TCF12: variants seen among roughly 807,000 people sequenced by gnomAD.
The protein encoded by TCF12 is transcription factor 12.
In TCF12, 45 loss-of-function variants were observed where a neutral mutation model predicts 86.0. That is an observed-to-expected ratio of 0.52 (90% CI 0.41 to 0.67). The LOEUF is 0.67. Among genes scored for constraint, TCF12 ranks in the 30% least tolerant of loss-of-function variants. The pLI is 0.00. For missense variants in TCF12, 881 were observed against 859.9 expected, an observed-to-expected ratio of 1.02 and a Z score of -0.31; for synonymous variants, 330 against 299.6, an observed-to-expected ratio of 1.10 and a Z score of -1.05.
intron 3 of TCF12, among the ~76,000 whole-genome samples, chr15:57,036,206 CAGCACACCAGTGAAG>C (rs2066497411): frequency 6.6e-6 from 1 of 151,940 alleles, no homozygotes; most frequent in South Asian, 2.1e-4. Context: ...ATTAGTTGAA[CAGCACACCAGTGAAG>C]ACGGTAATGA....
chr15:57,196,631 C>G (rs2057279194), intron 7 of TCF12, among the ~76,000 whole-genome samples: 1 of 152,092 alleles, frequency 6.6e-6, no homozygotes, highest in South Asian at 2.1e-4. Context: ...ATAAGATGAA[C>G]AAGTTTTATA....
intron 5 of TCF12, among the ~76,000 whole-genome samples, chr15:57,138,663 A>G (rs1410591405): frequency 6.6e-6 from 1 of 152,234 alleles, no homozygotes; most frequent in African/African-American, 2.4e-5. Context: ...CTTATTCTCA[A>G]AAGAGTTCAT....
At chr15:57,132,076 G>A (rs2052168174) in intron 5 of TCF12, among the ~76,000 whole-genome samples, 1 of 152,050 alleles carries the variant, frequency 6.6e-6, no homozygotes, top group African/African-American at 2.4e-5. Flanking sequence ...ACCTGAGCCC[G>A]GGAATTCCAG....
At chr15:57,085,775 CACTT>C (rs1435106073) in intron 4 of TCF12, among the ~76,000 whole-genome samples, 4 of 152,080 alleles carry the variant, frequency 2.6e-5, no homozygotes, top group Non-Finnish European at 5.9e-5. Context: ...GAAGCATAAA[CACTT>C]ATTTATATCC....
intron 5 of TCF12, among the ~76,000 whole-genome samples, chr15:57,104,511 G>A (rs544649422): frequency 9.6e-5 from 13 of 135,754 alleles, no homozygotes; most frequent in Admixed American, 4.6e-4. Flanking sequence ...GAGCGATCTC[G>A]GCTCACCACG....
At chr15:56,977,048 C>G (rs985689395) in intron 3 of TCF12, among the ~76,000 whole-genome samples, 15 of 152,092 alleles carry the variant, frequency 9.9e-5, no homozygotes, top group African/African-American at 3.4e-4. Flanking sequence ...TAGAACATTT[C>G]CATCTTTGCA....
intron 2 of TCF12, 60 bp downstream of exon 2, chr15:56,920,048 T>G (rs1393135407): frequency 6.3e-7 from 1 of 1,599,378 alleles, no homozygotes; most frequent in Non-Finnish European, 8.6e-7. Flanking sequence ...GTTTGTTTGT[T>G]TGTTTCTTTT....
At chr15:57,273,468 A>G (rs1033521380) in intron 19 of TCF12, among the ~76,000 whole-genome samples, 1 of 151,974 alleles carries the variant, frequency 6.6e-6, no homozygotes, top group African/African-American at 2.4e-5. Context: ...CTCCACCAAT[A>G]GAGAGTAATT....
intron 4 of TCF12, among the ~76,000 whole-genome samples, chr15:57,064,812 A>AAAAAAAAAAAAAAAG (rs554263213): frequency 2.7e-4 from 33 of 123,434 alleles, no homozygotes; most frequent in African/African-American, 9.5e-4. Context: ...AAAAAAAAAA[A>AAAAAAAAAAAAAAAG]AGAGAGAGAG....
chr15:57,138,046 A>G (rs925599678), intron 5 of TCF12, among the ~76,000 whole-genome samples: 2 of 152,036 alleles, frequency 1.3e-5, no homozygotes, highest in South Asian at 2.1e-4. Flanking sequence ...AAAAAAAAAA[A>G]TAAAGTATTA....
intron 5 of TCF12, among the ~76,000 whole-genome samples, chr15:57,102,246 A>T (rs1379882128): frequency 6.6e-6 from 1 of 152,220 alleles, no homozygotes; most frequent in Non-Finnish European, 1.5e-5. Flanking sequence ...CTTGCTCTAG[A>T]TAATTTAACA....
intron 18 of TCF12, among the ~76,000 whole-genome samples, chr15:57,264,845 T>G (rs1426923862): frequency 6.6e-6 from 1 of 152,124 alleles, no homozygotes; most frequent in Non-Finnish European, 1.5e-5. Context: ...TTCTCTTGCC[T>G]CAGCCTCCAG....
At chr15:57,050,068 A>G (rs2067507345) in intron 3 of TCF12, among the ~76,000 whole-genome samples, 1 of 152,184 alleles carries the variant, frequency 6.6e-6, no homozygotes, top group Admixed American at 6.5e-5. Context: ...ATAGTTTACT[A>G]TGTCAATGTA....
intron 18 of TCF12, among the ~76,000 whole-genome samples, chr15:57,269,585 T>C (rs933292219): frequency 1.1e-4 from 17 of 152,116 alleles, no homozygotes; most frequent in Non-Finnish European, 2.1e-4. Context: ...ATGTGTGAAA[T>C]TGATCCTGTC....
intron 5 of TCF12, among the ~76,000 whole-genome samples, chr15:57,142,091 C>T (rs987246885): frequency 2.6e-5 from 4 of 152,098 alleles, no homozygotes; most frequent in Non-Finnish European, 5.9e-5. Flanking sequence ...AGCTTCTGTG[C>T]AGTAGAGCAT....
chr15:57,114,330 G>T (rs537125231), intron 5 of TCF12, among the ~76,000 whole-genome samples: 78 of 152,240 alleles, frequency 5.1e-4, no homozygotes, highest in African/African-American at 1.8e-3. Context: ...CTGTTCTGTT[G>T]TGCAGGCTGG....
intron 5 of TCF12, among the ~76,000 whole-genome samples, chr15:57,110,711 A>G (rs1372448368): frequency 1.3e-5 from 2 of 152,194 alleles, no homozygotes; most frequent in South Asian, 2.1e-4. Context: ...GGCTGGCCCT[A>G]GATAGAATGG....
At chr15:56,988,587 T>A (rs557267510) in intron 3 of TCF12, among the ~76,000 whole-genome samples, 1 of 152,000 alleles carries the variant, frequency 6.6e-6, no homozygotes, top group Admixed American at 6.5e-5. Context: ...GCTATAGTTA[T>A]AAAGAGCACA....
At chr15:57,248,940 G>A (rs2059984025) in intron 13 of TCF12, among the ~76,000 whole-genome samples, 1 of 152,172 alleles carries the variant, frequency 6.6e-6, no homozygotes, top group Admixed American at 6.5e-5. Context: ...CAATTCTGAG[G>A]CATTTGAACG....
Sources: allele counts gnomAD v4.1 joint callset (sites outside exome capture counted in the v4.1 genomes callset), GRCh38; gene constraint gnomAD v4.1.1; transcripts MANE v1.5; gene names NCBI Gene and HGNC (gene_info 2026-07-23, HGNC 2026-07-21).